The following KAZN variants were observed in gnomAD, a reference collection of about 807,000 sequenced individuals.
The protein encoded by KAZN is kazrin.
KAZN carries 40 observed loss-of-function variants against 87.4 expected under a neutral mutation model. The observed-to-expected ratio is 0.46, with a 90% CI of 0.36 to 0.60. The LOEUF (loss-of-function observed/expected upper bound fraction) is 0.60. KAZN is among the 20% of genes least tolerant of loss of function. The pLI is 0.00. For missense variants in KAZN, 898 were observed against 1,073.9 expected, an observed-to-expected ratio of 0.84 and a Z score of 2.29; for synonymous variants, 466 against 458.3, an observed-to-expected ratio of 1.02 and a Z score of -0.22.
At chr1:14,117,508 T>C (rs1644652491) in intron 1 of KAZN, among the ~76,000 whole-genome samples, 1 of 152,100 alleles carries the variant, frequency 6.6e-6, no homozygotes, top group African/African-American at 2.4e-5. Context: ...TGGTCTCAAG[T>C]ATGTCTTTAT....
intron 8 of KAZN, among the ~76,000 whole-genome samples, chr1:15,069,223 C>T (rs956237571): frequency 2.0e-5 from 3 of 152,158 alleles, no homozygotes; most frequent in Admixed American, 2.0e-4. Context: ...AGAGCCCTTC[C>T]TGCCCATCCC....
In KAZN at chr1:15,044,267, G is replaced by C. The variant is rs1673239626; in HGVS notation, c.726+108G>C. 2.7e-6 allele frequency: 2 copies of C among 732,014 alleles called. 1 individual carries two copies. The highest frequency in any genetic ancestry group is 6.8e-5 in the Admixed American group (2 of 29,462). 45.3% of individuals were successfully genotyped at this position (732,014 alleles called of 1,614,324 possible). A position where few individuals can be genotyped will look rare whatever the true frequency, so the allele number is the denominator to read the frequency against. On this transcript the variant is annotated intron_variant, in intron 4 of 14. Coordinates refer to ENST00000376030, the MANE Select transcript of KAZN (RefSeq NM_201628.3). ...ATCGGAGACCTAGGGTGGGGTGGGT[G>C]GGGCAGAGCAGAACACAAGCAGGGG...
At chr1:14,572,918 C>T (rs114375027) in intron 2 of KAZN, among the ~76,000 whole-genome samples, 1,968 of 152,266 alleles carry the variant, frequency 0.013, 27 homozygotes, top group Middle Eastern at 0.034. Flanking sequence ...CTCTTCTGGA[C>T]ATTGCTGAGT....
At chr1:14,576,291 AGGATGGATGGATGGATGGATGGAT>A (rs71587761) in intron 2 of KAZN, among the ~76,000 whole-genome samples, 1 of 125,348 alleles carries the variant, frequency 8.0e-6, no homozygotes, top group Admixed American at 7.9e-5. Context: ...GAAGGATGGA[AGGATGGATGGATGGATGGATGGAT>A]GGATGGATGG....
chr1:14,357,740 T>C (rs963051516), intron 2 of KAZN, among the ~76,000 whole-genome samples: 5 of 152,228 alleles, frequency 3.3e-5, no homozygotes, highest in Admixed American at 6.5e-5. Flanking sequence ...GATTTGTGTA[T>C]GTTGAACCAG....
At chr1:14,839,457 A>G (rs1369062529) in intron 1 of KAZN, among the ~76,000 whole-genome samples, 5 of 152,196 alleles carry the variant, frequency 3.3e-5, no homozygotes, top group African/African-American at 9.7e-5. Flanking sequence ...ATAATAAATG[A>G]AGCGCACCCA....
At chr1:14,436,734 A>AACACAAAAAC (rs1553172282) in intron 2 of KAZN, among the ~76,000 whole-genome samples, 1 of 137,368 alleles carries the variant, frequency 7.3e-6, no homozygotes, top group Admixed American at 7.4e-5. Context: ...AAAAAAAAAA[A>AACACAAAAAC]AAAACCTTAA....
chr1:13,896,063 C>T (rs945646300), intron 1 of KAZN, among the ~76,000 whole-genome samples: 9 of 152,032 alleles, frequency 5.9e-5, no homozygotes, highest in African/African-American at 2.2e-4. Flanking sequence ...ATGATCATAG[C>T]TCACTGCAAC....
intron 2 of KAZN, among the ~76,000 whole-genome samples, chr1:14,360,412 T>C (rs1659404462): frequency 6.6e-6 from 1 of 152,116 alleles, no homozygotes; most frequent in Non-Finnish European, 1.5e-5. Context: ...GAGGAGTTTG[T>C]TATTACACAC....
intron 2 of KAZN, among the ~76,000 whole-genome samples, chr1:14,328,165 A>G (rs820629): frequency 0.91 from 138,292 of 152,272 alleles, 63,042 homozygotes; most frequent in African/African-American, 0.97. Context: ...ACTGCCCCTA[A>G]TCTCTTCCAG....
At chr1:15,063,171 G>T (rs923249006) in intron 6 of KAZN, 1 of 192,546 alleles carries the variant, frequency 5.2e-6, no homozygotes, top group Non-Finnish European at 1.1e-5. Context: ...GTTTGTTTCT[G>T]TCCCAAAATT....
intron 1 of KAZN, among the ~76,000 whole-genome samples, chr1:14,000,852 G>A (rs1004579891): frequency 6.6e-6 from 1 of 151,264 alleles, no homozygotes; most frequent in Non-Finnish European, 1.5e-5. Flanking sequence ...GCGGGATCTC[G>A]GCTCACTGCA....
At chr1:14,462,991 C>A (rs78947734) in intron 2 of KAZN, among the ~76,000 whole-genome samples, 5,355 of 152,236 alleles carry the variant, frequency 0.035, 309 homozygotes, top group African/African-American at 0.12. Context: ...CAGTACTGCT[C>A]CTTGTGGAGC....
intron 2 of KAZN, among the ~76,000 whole-genome samples, chr1:14,431,374 T>G (rs761723669): frequency 4.7e-4 from 71 of 152,302 alleles, no homozygotes; most frequent in Non-Finnish European, 7.9e-4. Flanking sequence ...TTACTCAAGT[T>G]TTTGGCTGTT....
At chr1:15,067,264 A>C in intron 8 of KAZN, 1 of 985,540 alleles carries the variant, frequency 1.0e-6, no homozygotes. Flanking sequence ...AGCCACACTT[A>C]GAATCTCCCA....
intron 2 of KAZN, among the ~76,000 whole-genome samples, chr1:14,523,982 C>T (rs981939821): frequency 6.9e-6 from 1 of 145,070 alleles, no homozygotes; most frequent in Non-Finnish European, 1.5e-5. Flanking sequence ...GGCTTAAAGG[C>T]GTGTCACTCG....
Position 14,847,195 on chromosome 1 carries a change from G to A in KAZN, c.227-113489G>A, listed in dbSNP as rs144126363. Among the ~76,000 whole-genome samples the A allele has an allele frequency of 1.6e-3, 248 of 152,260 alleles. 2 individuals are homozygous for A. Among genetic ancestry groups the A allele is most frequent in the African/African-American group, 5.5e-3 (227 of 41,546 alleles). On this transcript the variant is annotated intron_variant, in intron 1 of 14. Coordinates refer to ENST00000376030, the MANE Select transcript of KAZN (RefSeq NM_201628.3). ...ATACAATTCCAGAATTTGAGCTGTC[G>A]GATTTATGCCGCACACTGATCTCAT...
In KAZN at chr1:14,852,366, G is replaced by A. The variant is rs1191828752; in HGVS notation, c.227-108318G>A. On this transcript the variant is annotated intron_variant, in intron 1 of 14. Transcript: ENST00000376030. ...CTTCAGCCCAGCTGATCTTGAATGG[G>A]GAGTCCAGCAGCCTGAGTCAGCCAT... Among the ~76,000 whole-genome samples the A allele has an allele frequency of 3.3e-5, 5 of 152,246 alleles. No homozygotes were observed. In the East Asian group the frequency reaches 5.8e-4, roughly 18 times the overall value.
chr1:14,932,901 G>C (rs12569359), intron 1 of KAZN, among the ~76,000 whole-genome samples: 1 of 151,854 alleles, frequency 6.6e-6, no homozygotes, highest in Admixed American at 6.6e-5. Flanking sequence ...GTGTTGAAGG[G>C]CCATCACCAC....
Sources: allele counts gnomAD v4.1 joint callset (sites outside exome capture counted in the v4.1 genomes callset), GRCh38; gene constraint gnomAD v4.1.1; transcripts MANE v1.5; gene names NCBI Gene and HGNC (gene_info 2026-07-23, HGNC 2026-07-21).